The following RNF150 variants were observed in gnomAD, a reference collection of about 807,000 sequenced individuals.
The protein encoded by RNF150 is ring finger protein 150.
In RNF150, 24 loss-of-function variants were observed where a neutral mutation model predicts 39.3. That is an observed-to-expected ratio of 0.61 (90% CI 0.44 to 0.86). RNF150 has a LOEUF of 0.86. Among genes scored for constraint, RNF150 ranks in the 40% least tolerant of loss-of-function variants. The pLI is 0.00. For synonymous variants in RNF150, 255 were observed against 227.3 expected, an observed-to-expected ratio of 1.12 and a Z score of -1.10; for missense variants, 502 against 587.8, an observed-to-expected ratio of 0.85 and a Z score of 1.51.
At position 141,172,527 on chromosome 4, in the gene RNF150, T is replaced by C. The variant is rs983885939; in HGVS notation, c.-6+40267A>G. Among the ~76,000 whole-genome samples, 4 of 123,816 alleles carry C rather than the reference T, an allele frequency of 3.2e-5. No homozygotes were observed. The Admixed American group carries it at 3.5e-4, about 11-fold the overall frequency. The allele number at this position is 123,816 out of a possible 152,430, so 81.2% of individuals were successfully genotyped here. Reference sequence around the variant, plus strand: ...TAAATGATTTAAAATATTTTTGAGATATCGTGGACTTAGCAGTTGACCTGA... The same window carrying C: ...TAAATGATTTAAAATATTTTTGAGACATCGTGGACTTAGCAGTTGACCTGA... On this transcript the variant is annotated intron_variant, in intron 1 of 7. Coordinates refer to the RNF150 transcript ENST00000420921.
rs1180384800 is a variant in RNF150 at position 140,935,008 on chromosome 4, AAT to A, written c.891-8937_891-8936del. 1.3e-3 allele frequency among the ~76,000 whole-genome samples: 101 copies of A among 80,006 alleles called. 3 individuals are homozygous for A. Among genetic ancestry groups the A allele is most frequent in the East Asian group, 0.01 (32 of 3,050 alleles). The allele number at this position is 80,006 out of a possible 152,430, so 52.5% of individuals were successfully genotyped here. On this transcript the variant is annotated intron_variant, in intron 4 of 6. Coordinates refer to ENST00000515673, the MANE Select transcript of RNF150 (RefSeq NM_020724.2). ...GTGTTATAATATATATATATATATA[AAT>A]ATATATATATTATATATTTATAATA...
At chr4:140,939,319 T>C (rs764701103) in intron 4 of RNF150, among the ~76,000 whole-genome samples, 1 of 152,228 alleles carries the variant, frequency 6.6e-6, no homozygotes, top group Non-Finnish European at 1.5e-5. Context: ...TTCTGGTCTT[T>C]GTAAAAGTAT....
intron 1 of RNF150, among the ~76,000 whole-genome samples, chr4:141,025,415 T>G (rs1456045892): frequency 6.6e-6 from 1 of 152,126 alleles, no homozygotes; most frequent in African/African-American, 2.4e-5. Context: ...AACTATCATT[T>G]AAGAATTATG....
intron 6 of RNF150, among the ~76,000 whole-genome samples, chr4:140,886,516 G>A (rs886739710): frequency 2.0e-5 from 3 of 152,154 alleles, no homozygotes; most frequent in African/African-American, 7.2e-5. Context: ...TTCTTTATAT[G>A]TTCTGAATGC....
In RNF150 at chr4:140,863,278, T is replaced by C. The variant is rs1296458436; in HGVS notation, c.*4983A>G. The C allele has an allele frequency of 1.3e-5, 2 of 152,184 alleles. No individual in the cohort carries two copies. The highest frequency in any genetic ancestry group is 2.9e-5 in the Non-Finnish European group (2 of 68,020). 9.4% of individuals were successfully genotyped at this position (152,184 alleles called of 1,614,324 possible). On this transcript the variant is annotated 3_prime_UTR_variant, in exon 7 of 7. Coordinates refer to ENST00000515673, the MANE Select transcript of RNF150 (RefSeq NM_020724.2). ...CTAGACAGCATTCTGGAATTGTTGC[T>C]TTGCCATTATTTGCCCAGAAAACAT...
intron 5 of RNF150, among the ~76,000 whole-genome samples, chr4:140,921,035 T>C (rs1289478209): frequency 6.6e-6 from 1 of 151,296 alleles, no homozygotes; most frequent in Non-Finnish European, 1.5e-5. Context: ...TGGGGACTGT[T>C]GTGGCGTGGG....
intron 4 of RNF150, 137 bp from the exon 5 acceptor site, chr4:140,926,210 G>T: frequency 1.6e-6 from 1 of 639,996 alleles, no homozygotes; most frequent in East Asian, 2.7e-5. Context: ...CCTAACTTGT[G>T]GGCCAAAGTG....
rs533724965 is a variant in RNF150, at chr4:141,096,284, C to A, written c.484+36041G>T. Among the ~76,000 whole-genome samples the A allele has an allele frequency of 4.0e-5, 6 of 148,580 alleles. No individual in the cohort carries two copies. The South Asian group carries it at 1.1e-3, about 27-fold the overall frequency. ...CAGTCTTGGCTCACTACAACTTCCA[C>A]CTCCCGGGTTCAAGCGATTCTCCTG... On this transcript the variant is annotated intron_variant, in intron 1 of 6. Transcript: ENST00000515673.
At chr4:140,869,494 G>A (rs1728845684) in intron 6 of RNF150, among the ~76,000 whole-genome samples, 1 of 152,040 alleles carries the variant, frequency 6.6e-6, no homozygotes, top group Non-Finnish European at 1.5e-5. Context: ...TGCACACTAA[G>A]GATTATGCTA....
intron 1 of RNF150, among the ~76,000 whole-genome samples, chr4:140,992,428 GA>G (rs531920644): frequency 1.3e-5 from 2 of 151,760 alleles, no homozygotes; most frequent in African/African-American, 2.4e-5. Context: ...AGGGAATGGG[GA>G]AAAAAAAGGA....
chr4:140,976,075 G>C (rs935263430), intron 1 of RNF150, among the ~76,000 whole-genome samples: 2 of 152,064 alleles, frequency 1.3e-5, no homozygotes, highest in African/African-American at 2.4e-5. Flanking sequence ...TGCTTTGATT[G>C]GTTCGGCTTT....
chr4:140,963,047 G>A (rs867104970), intron 2 of RNF150, among the ~76,000 whole-genome samples: 11 of 151,958 alleles, frequency 7.2e-5, no homozygotes, highest in South Asian at 6.2e-4. Context: ...TACCTGAAAG[G>A]TAATATACTC....
chr4:141,002,022 T>C lies in RNF150; in HGVS notation c.485-34149A>G, dbSNP rs569523333. The stretch of plus-strand genomic sequence containing the variant: ...CAGTTTGATGTGATTAATGTGTATG[T>C]ATATATGTATATGTATCTATGTATA... On this transcript the variant is annotated intron_variant, in intron 1 of 6. Coordinates refer to ENST00000515673, the MANE Select transcript of RNF150 (RefSeq NM_020724.2). Among the ~76,000 whole-genome samples, 27 of 152,266 alleles carry C rather than the reference T, an allele frequency of 1.8e-4. No individual in the cohort carries two copies. In the South Asian group the frequency reaches 4.8e-3, roughly 27 times the overall value.
intron 1 of RNF150, chr4:141,053,799 G>T: frequency 1.3e-6 from 1 of 793,002 alleles, no homozygotes; most frequent in Non-Finnish European, 1.8e-6. Context: ...CTCTGCTAAA[G>T]CTATCCCTTC....
chr4:140,925,301 GAA>G (rs922008122), intron 5 of RNF150, among the ~76,000 whole-genome samples: 1 of 152,172 alleles, frequency 6.6e-6, no homozygotes, highest in Non-Finnish European at 1.5e-5. Flanking sequence ...ACAGTTCTGG[GAA>G]AGTCTCCCTG....
At chr4:141,194,000 T>C (rs1033914550) in intron 1 of RNF150, among the ~76,000 whole-genome samples, 3 of 152,254 alleles carry the variant, frequency 2.0e-5, no homozygotes, top group African/African-American at 7.2e-5. Flanking sequence ...TGAAGCATTG[T>C]CATTTTGATT....
chr4:141,125,646 T>C (rs1368154305), intron 1 of RNF150, among the ~76,000 whole-genome samples: 1 of 152,126 alleles, frequency 6.6e-6, no homozygotes, highest in Non-Finnish European at 1.5e-5. Flanking sequence ...TTTTCAAAAG[T>C]TGAGACTGGT....
In RNF150 at chr4:141,057,045, T is replaced by A. The variant is rs189809371; in HGVS notation, c.484+75280A>T. 1.1e-4 allele frequency among the ~76,000 whole-genome samples: 17 copies of A among 152,242 alleles called. No individual in the cohort carries two copies. In the East Asian group the frequency reaches 3.3e-3, roughly 29 times the overall value. ...TGCAAATTATTTAACCTCTCTGTGT[T>A]TTGGTTTCCTCATCTATAAAATGGA... On this transcript the variant is annotated intron_variant, in intron 1 of 6. Transcript: ENST00000515673.
chr4:141,134,516 C>A (rs1030050004), upstream of RNF150, among the ~76,000 whole-genome samples: 36 of 152,156 alleles, frequency 2.4e-4, no homozygotes, highest in Non-Finnish European at 4.4e-4. Flanking sequence ...ATGTTTACAG[C>A]TCTTCGTTAA....
Sources: allele counts gnomAD v4.1 joint callset (sites outside exome capture counted in the v4.1 genomes callset), GRCh38; gene constraint gnomAD v4.1.1; transcripts MANE v1.5; gene names NCBI Gene and HGNC (gene_info 2026-07-23, HGNC 2026-07-21).